ABRAXAS2: variants seen among roughly 807,000 people sequenced by gnomAD.
The protein encoded by ABRAXAS2 is BRISC complex subunit Abraxas 2.
A neutral mutation model predicts 49.0 loss-of-function variants in ABRAXAS2; 23 were observed. The observed-to-expected ratio is 0.47, with a 90% confidence interval of 0.34 to 0.66. The LOEUF (loss-of-function observed/expected upper bound fraction) is 0.66, where lower values mean the gene tolerates loss of function less well. Ranked by LOEUF, ABRAXAS2 falls within the 30% of genes least tolerant of loss-of-function variation. The pLI is 0.01. For synonymous variants in ABRAXAS2, 168 were observed against 180.2 expected, an observed-to-expected ratio of 0.93 and a Z score of 0.54; for missense variants, 443 against 511.9, an observed-to-expected ratio of 0.87 and a Z score of 1.30.
rs1475475125 is a variant in ABRAXAS2, at chr10:124,806,934, C to G, written c.163+13C>G. The G allele has an allele frequency of 6.6e-7, 1 of 1,512,316 alleles. No homozygotes were observed. The highest frequency in any genetic ancestry group is 1.2e-5 in the South Asian group (1 of 86,762). 93.7% of individuals were successfully genotyped at this position (1,512,316 alleles called of 1,614,324 possible). On this transcript the variant is annotated intron_variant, in intron 2 of 8. Coordinates refer to ENST00000298492, the MANE Select transcript of ABRAXAS2 (RefSeq NM_032182.4). ...CTGCAAGTAATTGGTAAGTAAATTT[C>G]TCAATGACCTTAGAAATATCTTTTT...
At chr10:124,804,485 A>G (rs939272257) in intron 1 of ABRAXAS2, among the ~76,000 whole-genome samples, 9 of 152,162 alleles carry the variant, frequency 5.9e-5, no homozygotes, top group African/African-American at 2.2e-4. Flanking sequence ...CTGTGTGAAT[A>G]TGAAATTATT....
chr10:124,835,082 C>T lies in ABRAXAS2; in HGVS notation c.*111C>T, dbSNP rs976778219. On this transcript the variant is annotated 3_prime_UTR_variant, in exon 9 of 9. Transcript: ENST00000298492. ...CTGCTTTCTCAGATACCTTAACTCC[C>T]GAGAAGAGAGTCCTTGTGCACAGAA... 2.9e-5 allele frequency: 23 copies of T among 787,814 alleles called. No individual in the cohort carries two copies. The highest frequency in any genetic ancestry group is 1.9e-4 in the African/African-American group (11 of 56,912). The allele number at this position is 787,814 out of a possible 1,614,324, so 48.8% of individuals were successfully genotyped here. A position where few individuals can be genotyped will look rare whatever the true frequency, so the allele number is the denominator to read the frequency against.
chr10:124,804,073 TA>T (rs1222398091), intron 1 of ABRAXAS2, among the ~76,000 whole-genome samples: 2 of 150,536 alleles, frequency 1.3e-5, no homozygotes, highest in African/African-American at 4.9e-5. Flanking sequence ...AATGTCCTTT[TA>T]AAAAAAAAAT....
At position 124,831,360 on chromosome 10, in the gene ABRAXAS2, A is replaced by G. The variant is rs1185110420; in HGVS notation, c.675A>G (p.Ala225=). Residue 225 remains alanine, a synonymous_variant, in exon 8 of 9, where the codon GCA becomes GCG. Coordinates refer to ENST00000298492, the MANE Select transcript of ABRAXAS2 (RefSeq NM_032182.4). ...ATTTTTTTCCTCAGGCAGTGTGTGCAGATGTTGAAAAGAGTGAGCGAGTTG... is the reference window on the plus strand; with the variant it reads ...ATTTTTTTCCTCAGGCAGTGTGTGCGGATGTTGAAAAGAGTGAGCGAGTTG... ...ALQEKVQAVC[A]DVEKSERVVE... The G allele has an allele frequency of 7.5e-6, 12 of 1,608,804 alleles. No individual in the cohort carries two copies. Among genetic ancestry groups the G allele is most frequent in the Non-Finnish European group, 8.5e-7 (1 of 1,175,460 alleles).
intron 1 of ABRAXAS2, among the ~76,000 whole-genome samples, chr10:124,802,354 C>G (rs973815958): frequency 8.5e-5 from 13 of 152,220 alleles, no homozygotes; most frequent in Non-Finnish European, 1.9e-4. Flanking sequence ...GGGGGTGCTG[C>G]GAGTGAAACC....
At chr10:124,819,340 C>A (rs1348248854) in intron 3 of ABRAXAS2, 44 bp from the exon 4 acceptor site, 3 of 1,531,242 alleles carry the variant, frequency 2.0e-6, no homozygotes, top group Non-Finnish European at 9.1e-7. Context: ...GTCTATGTCA[C>A]AATACTATGT....
At chr10:124,816,514 A>T in intron 2 of ABRAXAS2, 62 bp from the exon 3 acceptor site, 1 of 1,221,852 alleles carries the variant, frequency 8.2e-7, no homozygotes. Context: ...GTCCTGAGCT[A>T]TTTTATAGTT....
intron 4 of ABRAXAS2, among the ~76,000 whole-genome samples, chr10:124,820,999 G>A (rs1400186305): frequency 2.0e-5 from 3 of 150,820 alleles, no homozygotes; most frequent in African/African-American, 2.4e-5. Context: ...CTGCAGCCTC[G>A]ACCTCCCAGG....
chr10:124,819,433 C>A lies in ABRAXAS2; in HGVS notation c.250C>A (p.Leu84Ile). The change falls in exon 4 of 9, where the codon CTT becomes ATT. Residue 84 changes from leucine (L) to isoleucine (I), a missense_variant. Transcript: ENST00000298492. ...KVNEESLDRI[L>I]KDRRKKVIGW... ...GAATGAGGAGAGTTTGGACAGGATT[C>A]TTAAAGATCGGAGAAAGGTATGTTC... The A allele has an allele frequency of 6.2e-7, 1 of 1,614,008 alleles. No homozygotes were observed.
In ABRAXAS2 at chr10:124,822,791, C is replaced by T. The variant is rs563742515; in HGVS notation, c.267+3341C>T. Among the ~76,000 whole-genome samples, 24 of 65,768 alleles carry T rather than the reference C, an allele frequency of 3.6e-4. No homozygotes were observed. In the Admixed American group the frequency reaches 4.1e-3, roughly 11 times the overall value. 43.1% of individuals were successfully genotyped at this position (65,768 alleles called of 152,430 possible). A position where few individuals can be genotyped will look rare whatever the true frequency, so the allele number is the denominator to read the frequency against. ...TGGGCGACAGAGCAAGACTCCAACTCAAAAAAAAAAAAAAAAAGACTCTAT... is the reference window on the plus strand; with the variant it reads ...TGGGCGACAGAGCAAGACTCCAACTTAAAAAAAAAAAAAAAAAGACTCTAT... On this transcript the variant is annotated intron_variant, in intron 4 of 8. Transcript: ENST00000298492.
chr10:124,825,951 T>C (rs1354129846), intron 4 of ABRAXAS2, among the ~76,000 whole-genome samples: 1 of 152,222 alleles, frequency 6.6e-6, no homozygotes, highest in Non-Finnish European at 1.5e-5. Flanking sequence ...TCTGAAGTCA[T>C]CTGTCTTCCT....
chr10:124,811,819 A>T (rs1950790498), intron 2 of ABRAXAS2, among the ~76,000 whole-genome samples: 1 of 152,106 alleles, frequency 6.6e-6, no homozygotes, highest in Non-Finnish European at 1.5e-5. Flanking sequence ...TTTGTTGCCC[A>T]GGCTGGAATG....
intron 1 of ABRAXAS2, among the ~76,000 whole-genome samples, chr10:124,805,282 C>T (rs1290732530): frequency 2.7e-5 from 4 of 149,592 alleles, no homozygotes; most frequent in East Asian, 2.0e-4. Flanking sequence ...TGCAGTGAGC[C>T]GAGATTGCGC....
intron 4 of ABRAXAS2, among the ~76,000 whole-genome samples, chr10:124,821,782 G>T (rs1950862843): frequency 6.6e-6 from 1 of 152,164 alleles, no homozygotes; most frequent in Admixed American, 6.6e-5. Context: ...AGAGATTTGG[G>T]AGGACAGTTT....
intron 1 of ABRAXAS2, among the ~76,000 whole-genome samples, chr10:124,803,824 C>T (rs1390614929): frequency 6.6e-6 from 1 of 152,168 alleles, no homozygotes; most frequent in African/African-American, 2.4e-5. Flanking sequence ...TCGCTTGAAC[C>T]CGGGAGGCAA....
chr10:124,809,115 G>C (rs1471625433), intron 2 of ABRAXAS2, among the ~76,000 whole-genome samples: 1 of 151,660 alleles, frequency 6.6e-6, no homozygotes, highest in African/African-American at 2.4e-5. Context: ...TGGGCAACAA[G>C]AGCGAAACTC....
chr10:124,816,701 G>A, intron 3 of ABRAXAS2, 89 bp downstream of exon 3: 1 of 906,500 alleles, frequency 1.1e-6, no homozygotes, highest in Non-Finnish European at 1.8e-6. Context: ...GATTGTGGCT[G>A]TAAAGTCATG....
chr10:124,819,621 A>G (rs1424196822), intron 4 of ABRAXAS2, among the ~76,000 whole-genome samples, 171 bp downstream of exon 4: 1 of 152,118 alleles, frequency 6.6e-6, no homozygotes, highest in Non-Finnish European at 1.5e-5. Context: ...TTAGATATTT[A>G]TAGCATGATA....
rs748216897 is a variant in ABRAXAS2, at chr10:124,801,911, G to C, written c.72+10G>C. ...CAGCAACGCGGACCACGTAGGTGCC[G>C]GGCCCCCTGCCGCGCCCGCTGGGGG... is the stretch of plus-strand genomic sequence containing the variant. On this transcript the variant is annotated intron_variant, in intron 1 of 8. Coordinates refer to ENST00000298492, the MANE Select transcript of ABRAXAS2 (RefSeq NM_032182.4). 6.2e-7 allele frequency: 1 copy of C among 1,611,496 alleles called. No homozygotes were observed. The highest frequency in any genetic ancestry group is 1.1e-5 in the South Asian group (1 of 90,990).
Sources: gnomAD v4.1 joint callset for allele counts (sites outside exome capture counted in the v4.1 genomes callset) on GRCh38, gnomAD v4.1.1 for gene constraint, MANE v1.5 for transcripts, NCBI Gene and HGNC (gene_info 2026-07-23, HGNC 2026-07-21) for gene names.